The following MTUS2 variants were observed in gnomAD, a reference collection of about 807,000 sequenced individuals.
MTUS2 encodes the protein microtubule associated scaffold protein 2.
A neutral mutation model predicts 114.1 loss-of-function variants in MTUS2; 40 were observed. The observed-to-expected ratio is 0.35, with a 90% CI of 0.27 to 0.46. The LOEUF (loss-of-function observed/expected upper bound fraction) is 0.46, where lower values mean the gene tolerates loss of function less well. MTUS2 is among the 20% of genes least tolerant of loss of function. The pLI is 1.00. For synonymous variants in MTUS2, 688 were observed against 672.0 expected, an observed-to-expected ratio of 1.02 and a Z score of -0.37; for missense variants, 1,679 against 1,705.4, an observed-to-expected ratio of 0.98 and a Z score of 0.27.
rs143726797 is a variant in MTUS2 at position 29,309,486 on chromosome 13, A to C, written c.2807-15127A>C. On this transcript the variant is annotated intron_variant, in intron 6 of 15. Transcript: ENST00000612955. ...AGAATAGCTAATGGATGCCGGGCTT[A>C]ATACCTAGGTGATGGGATGGTTTGT... is the stretch of plus-strand genomic sequence containing the variant. 1.2e-4 allele frequency among the ~76,000 whole-genome samples: 18 copies of C among 152,212 alleles called. No individual in the cohort carries two copies. The Middle Eastern group carries it at 0.01, about 86-fold the overall frequency.
intron 5 of MTUS2, among the ~76,000 whole-genome samples, chr13:29,266,741 G>GA (rs1897681552): frequency 6.6e-6 from 1 of 152,164 alleles, no homozygotes; most frequent in Non-Finnish European, 1.5e-5. Context: ...CAAGAACTGG[G>GA]AAAAATATGT....
At chr13:28,954,017 C>CTCT (rs1882939648) in intron 2 of MTUS2, among the ~76,000 whole-genome samples, 1 of 151,830 alleles carries the variant, frequency 6.6e-6, no homozygotes, top group Admixed American at 6.6e-5. Context: ...ATGGAGACTC[C>CTCT]AGAAATAGAT....
chr13:28,977,155 T>C (rs1016902799), intron 2 of MTUS2, among the ~76,000 whole-genome samples: 1 of 152,118 alleles, frequency 6.6e-6, no homozygotes, highest in Non-Finnish European at 1.5e-5. Flanking sequence ...GGTGGGGTCA[T>C]TGCGGGGGAG....
At chr13:29,095,096 G>T (rs1008029128) in intron 4 of MTUS2, among the ~76,000 whole-genome samples, 6 of 151,998 alleles carry the variant, frequency 3.9e-5, no homozygotes, top group African/African-American at 1.4e-4. Flanking sequence ...GTTTATCCTG[G>T]AGAATATTCT....
At chr13:29,359,049 T>C (rs549925268) in intron 7 of MTUS2, among the ~76,000 whole-genome samples, 2 of 152,302 alleles carry the variant, frequency 1.3e-5, no homozygotes, top group East Asian at 3.9e-4. Flanking sequence ...GTTATCCTTT[T>C]TCCAAGCACG....
intron 8 of MTUS2, among the ~76,000 whole-genome samples, chr13:29,374,695 C>T (rs561490077): frequency 4.6e-5 from 7 of 152,178 alleles, no homozygotes; most frequent in South Asian, 2.1e-4. Context: ...GTCAGGAGTT[C>T]GAGACCAGCC....
intron 8 of MTUS2, among the ~76,000 whole-genome samples, chr13:29,396,581 G>A (rs1873934030): frequency 6.6e-6 from 1 of 152,188 alleles, no homozygotes; most frequent in South Asian, 2.1e-4. Context: ...TACATGAGAA[G>A]GGAATCCAAG....
intron 2 of MTUS2, among the ~76,000 whole-genome samples, chr13:28,978,461 AGGG>A (rs1884215665): frequency 6.6e-6 from 1 of 152,222 alleles, no homozygotes. Flanking sequence ...AAGAATGAGA[AGGG>A]GGATATCATT....
At chr13:29,180,255 A>G (rs1031323654) in intron 5 of MTUS2, among the ~76,000 whole-genome samples, 1 of 152,220 alleles carries the variant, frequency 6.6e-6, no homozygotes, top group African/African-American at 2.4e-5. Flanking sequence ...ACAATCTTCC[A>G]TGAAACATGC....
chr13:29,084,097 G>C (rs1269851713), intron 4 of MTUS2, among the ~76,000 whole-genome samples: 4 of 152,108 alleles, frequency 2.6e-5, no homozygotes, highest in Non-Finnish European at 4.4e-5. Flanking sequence ...TGAGATCCCA[G>C]GAATAAATGT....
intron 2 of MTUS2, among the ~76,000 whole-genome samples, chr13:29,018,090 G>A (rs1395152618): frequency 6.6e-6 from 1 of 152,158 alleles, no homozygotes; most frequent in African/African-American, 2.4e-5. Flanking sequence ...GAGAATTTAC[G>A]AAAGGTTTCA....
chr13:29,069,102 G>A lies in MTUS2; in HGVS notation c.2447-31671G>A, dbSNP rs1224511324. On this transcript the variant is annotated intron_variant, in intron 4 of 15. Coordinates refer to ENST00000612955, the MANE Select transcript of MTUS2 (RefSeq NM_001033602.4). ...GAGAGAAGTAGATGGGTTTAAGGAG[G>A]TGGATTTAATTAAATTCCTTTATTA... Among the ~76,000 whole-genome samples the A allele has an allele frequency of 2.6e-5, 4 of 152,226 alleles. 1 individual carries two copies. The highest frequency in any genetic ancestry group is 5.9e-5 in the Non-Finnish European group (4 of 68,012).
chr13:29,144,337 G>A (rs1395650022), intron 5 of MTUS2, among the ~76,000 whole-genome samples: 1 of 151,962 alleles, frequency 6.6e-6, no homozygotes, highest in African/African-American at 2.4e-5. Context: ...CTGGCTGCAT[G>A]CTCATCTGGA....
chr13:28,873,117 T>C (rs766382912), intron 2 of MTUS2, among the ~76,000 whole-genome samples: 1 of 152,136 alleles, frequency 6.6e-6, no homozygotes, highest in Non-Finnish European at 1.5e-5. Context: ...GCAAAATAAA[T>C]ATATTTTTAG....
At chr13:29,179,871 G>T (rs183817385) in intron 5 of MTUS2, among the ~76,000 whole-genome samples, 2 of 152,268 alleles carry the variant, frequency 1.3e-5, no homozygotes, top group Non-Finnish European at 2.9e-5. Context: ...CCTTAGAGGA[G>T]AAATTTTAAG....
At chr13:29,500,489 C>T (rs1234611207) in intron 14 of MTUS2, among the ~76,000 whole-genome samples, 1 of 152,174 alleles carries the variant, frequency 6.6e-6, no homozygotes, top group Non-Finnish European at 1.5e-5. Context: ...GGAGTAACAG[C>T]CATGGGATGA....
At chr13:29,214,033 T>G (rs1895570927) in intron 5 of MTUS2, among the ~76,000 whole-genome samples, 1 of 152,206 alleles carries the variant, frequency 6.6e-6, no homozygotes, top group South Asian at 2.1e-4. Context: ...TTTTTATCCT[T>G]TAACTTTCTA....
At chr13:28,934,938 C>G (rs1408291416) in intron 2 of MTUS2, among the ~76,000 whole-genome samples, 1 of 151,432 alleles carries the variant, frequency 6.6e-6, no homozygotes, top group Non-Finnish European at 1.5e-5. Flanking sequence ...TCCAGCACCC[C>G]AGCAGCTCCC....
chr13:29,357,479 A>T (rs1244450566), intron 7 of MTUS2, among the ~76,000 whole-genome samples: 2 of 152,218 alleles, frequency 1.3e-5, no homozygotes, highest in Non-Finnish European at 2.9e-5. Context: ...TTATAAAATC[A>T]CGAGCCACAG....
Sources: allele counts gnomAD v4.1 joint callset (sites outside exome capture counted in the v4.1 genomes callset), GRCh38; gene constraint gnomAD v4.1.1; transcripts MANE v1.5; gene names NCBI Gene and HGNC (gene_info 2026-07-23, HGNC 2026-07-21).